Variants in TNS3 observed in about 807,000 individuals in gnomAD.
The protein encoded by TNS3 is tensin 3, also known as tensin-3.
TNS3 carries 45 observed loss-of-function variants against 140.9 expected under a neutral mutation model. That is an observed-to-expected ratio of 0.32 (90% confidence interval 0.25 to 0.41). The LOEUF (loss-of-function observed/expected upper bound fraction) is 0.41, where lower values mean the gene tolerates loss of function less well. Ranked by LOEUF, TNS3 falls within the 10% of genes least tolerant of loss-of-function variation. The pLI is 1.00. For missense variants in TNS3, 1,716 were observed against 1,906.7 expected, an observed-to-expected ratio of 0.90 and a Z score of 1.86; for synonymous variants, 815 against 788.4, an observed-to-expected ratio of 1.03 and a Z score of -0.56.
intron 25 of TNS3, 38 bp from the exon 26 acceptor site, chr7:47,292,943 T>A: frequency 6.4e-7 from 1 of 1,573,342 alleles, no homozygotes; most frequent in South Asian, 1.1e-5. Context: ...AGTCAACAAC[T>A]GCTGTAGATG....
intron 17 of TNS3, among the ~76,000 whole-genome samples, chr7:47,347,204 G>A (rs1248523233): frequency 6.6e-6 from 1 of 152,204 alleles, no homozygotes; most frequent in Non-Finnish European, 1.5e-5. Flanking sequence ...AGAGTGCAGA[G>A]TAGCATTTCA....
intron 1 of TNS3, among the ~76,000 whole-genome samples, chr7:47,551,892 G>A (rs977336546): frequency 1.3e-5 from 2 of 152,140 alleles, no homozygotes; most frequent in Non-Finnish European, 2.9e-5. Context: ...CAGCTGGAGC[G>A]GGGCAGGGGT....
At chr7:47,578,103 A>C (rs1562866491) in intron 1 of TNS3, among the ~76,000 whole-genome samples, 1 of 152,002 alleles carries the variant, frequency 6.6e-6, no homozygotes, top group Non-Finnish European at 1.5e-5. Context: ...ACCTGAGGTC[A>C]GGAGTTCGAG....
In TNS3 at chr7:47,339,964, T is replaced by C. The variant is rs868574486; in HGVS notation, c.2650+4791A>G. Among the ~76,000 whole-genome samples the C allele has an allele frequency of 1.2e-3, 171 of 143,916 alleles. 1 individual carries two copies. Among genetic ancestry groups the C allele is most frequent in the Non-Finnish European group, 1.6e-3 (107 of 66,496 alleles). The allele number at this position is 143,916 out of a possible 152,430, so 94.4% of individuals were successfully genotyped here. On this transcript the variant is annotated intron_variant, in intron 20 of 30. Coordinates refer to ENST00000311160, the MANE Select transcript of TNS3 (RefSeq NM_022748.12). ...TGAGCTATTATAAGTGGCATATATATATATATATATATATATGTATACATA... is the reference window on the plus strand; with the variant it reads ...TGAGCTATTATAAGTGGCATATATACATATATATATATATATGTATACATA...
intron 2 of TNS3, among the ~76,000 whole-genome samples, chr7:47,520,782 C>T (rs967876896): frequency 7.2e-5 from 11 of 152,196 alleles, no homozygotes; most frequent in African/African-American, 2.7e-4. Flanking sequence ...CGTGTTGCCA[C>T]CTCTCTGGAT....
chr7:47,383,791 G>A (rs999877022), intron 16 of TNS3, among the ~76,000 whole-genome samples: 6 of 152,116 alleles, frequency 3.9e-5, no homozygotes, highest in African/African-American at 1.2e-4. Flanking sequence ...CTGTGCACTG[G>A]TCACCGGAAT....
At chr7:47,531,458 G>C (rs1799401451) in intron 1 of TNS3, among the ~76,000 whole-genome samples, 1 of 152,020 alleles carries the variant, frequency 6.6e-6, no homozygotes, top group Non-Finnish European at 1.5e-5. Flanking sequence ...ACAGTGCTTG[G>C]GCAAAAAGGA....
intron 1 of TNS3, among the ~76,000 whole-genome samples, chr7:47,552,139 G>A (rs1212946134): frequency 1.3e-5 from 2 of 151,616 alleles, no homozygotes; most frequent in Admixed American, 6.6e-5. Context: ...TTTCTCCTGA[G>A]GCTATTTTGG....
chr7:47,562,244 T>C (rs751658942), intron 1 of TNS3, among the ~76,000 whole-genome samples: 5 of 152,156 alleles, frequency 3.3e-5, no homozygotes, highest in African/African-American at 7.2e-5. Context: ...AGCCAGCTCA[T>C]TTTTCCTCAA....
intron 4 of TNS3, among the ~76,000 whole-genome samples, chr7:47,466,645 T>TGGCTAGGGTGAGGACTC (rs911823708): frequency 3.3e-5 from 5 of 152,182 alleles, no homozygotes; most frequent in Non-Finnish European, 7.3e-5. Context: ...GGTGAGGACT[T>TGGCTAGGGTGAGGACTC]GGCTAGGGTG....
At chr7:47,539,501 C>T (rs774525143) in intron 1 of TNS3, 26 of 256,024 alleles carry the variant, frequency 1.0e-4, no homozygotes, top group African/African-American at 5.5e-4. Context: ...ACTCTGACCT[C>T]CTCCTGCCAG....
chr7:47,398,211 C>A (rs1418725472), intron 15 of TNS3, among the ~76,000 whole-genome samples: 2 of 152,144 alleles, frequency 1.3e-5, no homozygotes, highest in Non-Finnish European at 2.9e-5. Flanking sequence ...GATGGATTCA[C>A]AGCTGAATTC....
At position 47,368,984 on chromosome 7, in the gene TNS3, A is replaced by C. The variant is rs1449579709; in HGVS notation, c.1662T>G (p.Thr554=). ...GCTGCTTGGGCTCTCGACTCCCAAA[A>C]GTCCGCTCCCGCTCATAGGGGCCGT... ...GMDGPYERER[T]FGSREPKQPQ... is the part of the protein sequence containing the mutation. The change falls in exon 17 of 31, where the codon ACT becomes ACG. Residue 554 remains threonine (T), a synonymous_variant. Coordinates refer to ENST00000311160, the MANE Select transcript of TNS3 (RefSeq NM_022748.12). The C allele has an allele frequency of 6.2e-7, 1 of 1,613,958 alleles. No homozygotes were observed. Among genetic ancestry groups the C allele is most frequent in the Admixed American group, 1.7e-5 (1 of 60,026 alleles).
In TNS3 at chr7:47,479,193, G is replaced by A. The variant is rs113380556; in HGVS notation, c.-76+1910C>T. On this transcript the variant is annotated intron_variant, in intron 4 of 30. Coordinates refer to ENST00000311160, the MANE Select transcript of TNS3 (RefSeq NM_022748.12). ...TGGCCTGTCTGACAGCCCTGCAACC[G>A]GCATCTTTAGAGCCAGCACACAGCT... 3.3e-5 allele frequency among the ~76,000 whole-genome samples: 5 copies of A among 152,286 alleles called. 1 individual carries two copies. The highest frequency in any genetic ancestry group is 2.1e-4 in the South Asian group (1 of 4,828).
At position 47,275,466 on chromosome 7, in the gene TNS3, G is replaced by A. The variant is rs1300586219; in HGVS notation, c.*2610C>T. ...GTTGGGCACAGTTCGTGAACTCTCC[G>A]CATTTACTCCCCAGGGCAGTACGTG... On this transcript the variant is annotated 3_prime_UTR_variant, in exon 31 of 31. Coordinates refer to ENST00000311160, the MANE Select transcript of TNS3 (RefSeq NM_022748.12). 2.7e-5 allele frequency: 6 copies of A among 223,180 alleles called. No individual in the cohort carries two copies. The highest frequency in any genetic ancestry group is 1.2e-4 in the African/African-American group (5 of 43,130). 13.8% of individuals were successfully genotyped at this position (223,180 alleles called of 1,614,324 possible).
In TNS3 at chr7:47,275,605, A is replaced by C. The variant is rs543561278; in HGVS notation, c.*2471T>G. On this transcript the variant is annotated 3_prime_UTR_variant, in exon 31 of 31. Transcript: ENST00000311160. ...TCACGGTTTCTGAGCCCACAGTACAATCTGTGATGACACACAGCTTGTTCT... is the reference window on the plus strand; with the variant it reads ...TCACGGTTTCTGAGCCCACAGTACACTCTGTGATGACACACAGCTTGTTCT... 2.7e-4 allele frequency: 94 copies of C among 347,428 alleles called. No homozygotes were observed. The highest frequency in any genetic ancestry group is 2.3e-4 in the Non-Finnish European group (40 of 175,512). The allele number at this position is 347,428 out of a possible 1,614,324, so 21.5% of individuals were successfully genotyped here.
chr7:47,435,168 G>A, intron 8 of TNS3, 114 bp downstream of exon 8: 1 of 1,387,462 alleles, frequency 7.2e-7, no homozygotes, highest in Non-Finnish European at 9.7e-7. Flanking sequence ...CCCATAAGGA[G>A]CACATCGCAC....
chr7:47,288,921 G>A (rs1279156217), intron 27 of TNS3, among the ~76,000 whole-genome samples: 1 of 152,158 alleles, frequency 6.6e-6, no homozygotes, highest in Non-Finnish European at 1.5e-5. Flanking sequence ...GCAGAACATG[G>A]CCGGAAACCC....
intron 3 of TNS3, among the ~76,000 whole-genome samples, chr7:47,491,322 T>C (rs6947101): frequency 0.072 from 11,041 of 152,308 alleles, 1,273 homozygotes; most frequent in African/African-American, 0.24. Flanking sequence ...GCTCTGTCTT[T>C]GCATCCAGAG....
Sources: allele counts gnomAD v4.1 joint callset (sites outside exome capture counted in the v4.1 genomes callset), GRCh38; gene constraint gnomAD v4.1.1; transcripts MANE v1.5; gene names NCBI Gene and HGNC (gene_info 2026-07-23, HGNC 2026-07-21).